Variants in C12orf42 observed in about 807,000 individuals in gnomAD.
C12orf42 encodes chromosome 12 open reading frame 42.
A neutral mutation model predicts 21.6 loss-of-function variants in C12orf42; 25 were observed. That is an observed-to-expected ratio of 1.16 (90% CI 0.84 to 1.62). The LOEUF (loss-of-function observed/expected upper bound fraction) is 1.62. Ranked by LOEUF, C12orf42 falls within the 40% of genes most tolerant of loss-of-function variation. The pLI is 0.00. For synonymous variants in C12orf42, 174 were observed against 175.0 expected, an observed-to-expected ratio of 0.99 and a Z score of 0.05; for missense variants, 483 against 459.3, an observed-to-expected ratio of 1.05 and a Z score of -0.47.
At chr12:103,559,294 T>G in the C12orf42 span, 3 of 116,454 alleles carry the variant, frequency 2.6e-5, no homozygotes, top group African/African-American at 5.2e-5. Flanking sequence ...TTGGTAGCAC[T>G]TTACTCAGGC....
downstream of C12orf42, among the ~76,000 whole-genome samples, chr12:103,236,199 GACA>G (rs1189977477): frequency 6.6e-6 from 1 of 151,964 alleles, no homozygotes; most frequent in African/African-American, 2.4e-5. Context: ...ATTCTAAGTC[GACA>G]ACAAGTTTTG....
At chr12:103,439,267 T>C (rs1438976579) in intron 2 of C12orf42, among the ~76,000 whole-genome samples, 6 of 151,944 alleles carry the variant, frequency 3.9e-5, no homozygotes, top group Non-Finnish European at 7.4e-5. Context: ...TCAAGATGGA[T>C]TAAAGACTTA....
the C12orf42 span, among the ~76,000 whole-genome samples, chr12:103,537,530 C>T: frequency 6.6e-6 from 1 of 152,090 alleles, no homozygotes; most frequent in Non-Finnish European, 1.5e-5. Flanking sequence ...TAATCAAACA[C>T]AACCATAATC....
the C12orf42 span, among the ~76,000 whole-genome samples, chr12:103,062,517 A>T: frequency 1.3e-5 from 2 of 151,902 alleles, no homozygotes; most frequent in Non-Finnish European, 1.5e-5. Flanking sequence ...AGTCTTAGTA[A>T]TGTTATTTTA....
chr12:103,423,860 AG>A, intron 2 of C12orf42, among the ~76,000 whole-genome samples: 1 of 152,374 alleles, frequency 6.6e-6, no homozygotes, highest in African/African-American at 2.4e-5. Flanking sequence ...AAAGATAACA[AG>A]TTGAGAATTA....
the C12orf42 span, among the ~76,000 whole-genome samples, chr12:103,057,644 T>C: frequency 6.6e-6 from 1 of 152,134 alleles, no homozygotes; most frequent in Non-Finnish European, 1.5e-5. Flanking sequence ...CTATTGTAAA[T>C]AGTGCTGCAA....
the C12orf42 span, among the ~76,000 whole-genome samples, chr12:103,215,761 A>G: frequency 2.0e-5 from 3 of 152,210 alleles, no homozygotes; most frequent in Non-Finnish European, 2.9e-5. Context: ...TGTGATGTCC[A>G]CCCTTAGACA....
At chr12:103,494,660 T>C (rs533958937) in intron 1 of C12orf42, among the ~76,000 whole-genome samples, 2 of 152,344 alleles carry the variant, frequency 1.3e-5, no homozygotes, top group African/African-American at 4.8e-5. Flanking sequence ...TTTTTTCCTC[T>C]TCTTCTCTTA....
chr12:103,424,337 G>A (rs1338515785), intron 2 of C12orf42, among the ~76,000 whole-genome samples: 2 of 152,234 alleles, frequency 1.3e-5, no homozygotes, highest in Admixed American at 1.3e-4. Context: ...TCTCCTATCA[G>A]CTAATAAGAA....
At chr12:103,156,973 C>T in the C12orf42 span, among the ~76,000 whole-genome samples, 20 of 152,088 alleles carry the variant, frequency 1.3e-4, no homozygotes, top group East Asian at 3.5e-3. Flanking sequence ...GATTTATATT[C>T]CTTTGGGTAT....
intron 4 of C12orf42, among the ~76,000 whole-genome samples, chr12:103,355,944 C>G (rs995712329): frequency 6.6e-6 from 1 of 152,008 alleles, no homozygotes; most frequent in African/African-American, 2.4e-5. Context: ...AGGACTTTAA[C>G]TATATTGTGA....
intron 4 of C12orf42, among the ~76,000 whole-genome samples, chr12:103,296,509 C>A (rs2136412983): frequency 6.6e-6 from 1 of 152,296 alleles, no homozygotes; most frequent in Non-Finnish European, 1.5e-5. Context: ...TTCTCCATAT[C>A]CTCTCCAGCA....
the C12orf42 span, among the ~76,000 whole-genome samples, chr12:103,201,795 T>G: frequency 6.6e-6 from 1 of 152,186 alleles, no homozygotes; most frequent in African/African-American, 2.4e-5. Context: ...GCCAAATGCG[T>G]TGATGTTGTG....
At chr12:103,506,544 T>C in the C12orf42 span, among the ~76,000 whole-genome samples, 843 of 151,728 alleles carry the variant, frequency 5.6e-3, 12 homozygotes, top group African/African-American at 0.02. Context: ...GGTGTTACAA[T>C]TGCCTATAGT....
At chr12:103,090,610 G>T in the C12orf42 span, among the ~76,000 whole-genome samples, 4 of 152,130 alleles carry the variant, frequency 2.6e-5, no homozygotes, top group Non-Finnish European at 4.4e-5. Context: ...TATCATAATA[G>T]TTATAATTAC....
chr12:103,246,696 T>G (rs543089705), intron 10 of C12orf42, among the ~76,000 whole-genome samples: 1 of 152,194 alleles, frequency 6.6e-6, no homozygotes, highest in East Asian at 1.9e-4. Context: ...ATTCATATGG[T>G]CAGAGTAAAC....
At chr12:103,287,784 C>A (rs932476914) in intron 4 of C12orf42, among the ~76,000 whole-genome samples, 1 of 151,100 alleles carries the variant, frequency 6.6e-6, no homozygotes. Flanking sequence ...CCTACGCACA[C>A]AAACACACAC....
chr12:103,163,086 T>G, the C12orf42 span: 1 of 152,216 alleles, frequency 6.6e-6, no homozygotes, highest in East Asian at 1.9e-4. Context: ...ATTGCCCAAC[T>G]TCAGAGTTCA....
the C12orf42 span, among the ~76,000 whole-genome samples, chr12:103,216,641 G>A: frequency 1.4e-4 from 22 of 151,944 alleles, no homozygotes; most frequent in Non-Finnish European, 2.4e-4. Flanking sequence ...GCCTCCTAAA[G>A]TGCTGGGAAT....
Sources: allele counts gnomAD v4.1 joint callset (sites outside exome capture counted in the v4.1 genomes callset), GRCh38; gene constraint gnomAD v4.1.1; transcripts MANE v1.5; gene names NCBI Gene and HGNC (gene_info 2026-07-23, HGNC 2026-07-21).